The following UBR2 variants were observed in gnomAD, a reference collection of about 807,000 sequenced individuals.
UBR2 encodes E3 ubiquitin-protein ligase UBR2.
In UBR2, 92 loss-of-function variants were observed where a neutral mutation model predicts 247.9. The ratio of observed to expected loss-of-function variants is 0.37; its 90% CI spans 0.31 to 0.44. The LOEUF is 0.44. UBR2 is among the 20% of genes least tolerant of loss of function. UBR2 has a pLI of 1.00. For missense variants in UBR2, 1,613 were observed against 2,112.6 expected (o/e 0.76, Z 4.64); for synonymous variants, 672 against 693.5 (o/e 0.97, Z 0.49).
chr6:42,608,245 T>C (rs1270122029), intron 7 of UBR2, among the ~76,000 whole-genome samples: 2 of 152,216 alleles, frequency 1.3e-5, no homozygotes, highest in Non-Finnish European at 2.9e-5. Context: ...GGTACTAATA[T>C]ACTTTCCCAC....
rs1241942023 is a variant in UBR2 at position 42,693,126 on chromosome 6, C to G, written c.*1953C>G. ...ACATTTTCACCAAATCATAACAATA[C>G]TCCAGCTTTCCGGTCCGACTTCCTA... On this transcript the variant is annotated 3_prime_UTR_variant, in exon 47 of 47. Coordinates refer to ENST00000372901, the MANE Select transcript of UBR2 (RefSeq NM_001363705.2). 1 of 147,320 alleles carries G rather than the reference C, an allele frequency of 6.8e-6. No homozygotes were observed. The highest frequency in any genetic ancestry group is 2.4e-5 in the African/African-American group (1 of 40,844). 9.1% of individuals were successfully genotyped at this position (147,320 alleles called of 1,614,324 possible).
chr6:42,622,618 G>A (rs1250357126), intron 11 of UBR2, among the ~76,000 whole-genome samples: 1 of 151,320 alleles, frequency 6.6e-6, no homozygotes, highest in Non-Finnish European at 1.5e-5. Context: ...TAGCCAGACT[G>A]GTCTCAAACT....
chr6:42,680,898 C>T (rs1290726292), intron 42 of UBR2, among the ~76,000 whole-genome samples: 1 of 151,808 alleles, frequency 6.6e-6, no homozygotes, highest in Non-Finnish European at 1.5e-5. Context: ...CGCGGTGGCT[C>T]ACGCCTGTAA....
At chr6:42,638,281 G>A (rs541876271) in intron 15 of UBR2, among the ~76,000 whole-genome samples, 7 of 152,048 alleles carry the variant, frequency 4.6e-5, no homozygotes, top group African/African-American at 1.7e-4. Flanking sequence ...AGATTTGTGG[G>A]CCTAGAGTTG....
chr6:42,576,448 ACT>A (rs1791511729), intron 2 of UBR2, among the ~76,000 whole-genome samples: 1 of 150,618 alleles, frequency 6.6e-6, no homozygotes, highest in South Asian at 2.1e-4. Flanking sequence ...CTGCTGCCCA[ACT>A]CTCTGCATAA....
intron 9 of UBR2, 38 bp from the exon 10 acceptor site, chr6:42,615,964 G>A (rs374683244): frequency 4.4e-4 from 608 of 1,384,304 alleles, no homozygotes; most frequent in Non-Finnish European, 5.6e-4. Flanking sequence ...TAATTGTTGG[G>A]CGTGTCCTTA....
At chr6:42,641,033 T>A (rs1435178924) in intron 16 of UBR2, among the ~76,000 whole-genome samples, 2 of 152,198 alleles carry the variant, frequency 1.3e-5, no homozygotes, top group African/African-American at 4.8e-5. Flanking sequence ...TCAGCCAGTC[T>A]ATGATTTAAA....
chr6:42,627,583 G>A (rs974300260), intron 11 of UBR2, among the ~76,000 whole-genome samples: 3 of 151,892 alleles, frequency 2.0e-5, no homozygotes, highest in South Asian at 2.1e-4. Context: ...CTGCAGCCTC[G>A]ACCACCCAAA....
At position 42,601,370 on chromosome 6, in the gene UBR2, A is replaced by G. The variant is rs75759453; in HGVS notation, c.532-2218A>G. Among the ~76,000 whole-genome samples, 882 of 152,288 alleles carry G rather than the reference A, an allele frequency of 5.8e-3. 6 individuals carry two copies. The highest frequency in any genetic ancestry group is 9.3e-3 in the Non-Finnish European group (635 of 68,016). On this transcript the variant is annotated intron_variant, in intron 4 of 46. Coordinates refer to ENST00000372901, the MANE Select transcript of UBR2 (RefSeq NM_001363705.2). Reference sequence around the variant, plus strand: ...TCTAAAGCCTCCATAACAAATAGTAATAAACCTTGCTAGCAGAAACAATAA... The same window carrying G: ...TCTAAAGCCTCCATAACAAATAGTAGTAAACCTTGCTAGCAGAAACAATAA...
intron 4 of UBR2, among the ~76,000 whole-genome samples, chr6:42,596,739 A>G (rs1562294440): frequency 7.2e-5 from 11 of 152,230 alleles, no homozygotes; most frequent in Admixed American, 7.2e-4. Context: ...AAAAGGTCAC[A>G]TATTGTATGA....
At position 42,612,231 on chromosome 6, in the gene UBR2, G is replaced by A. The variant is rs763737305; in HGVS notation, c.925G>A (p.Ala309Thr). 9.7e-6 allele frequency: 15 copies of A among 1,546,132 alleles called. No homozygotes were observed. Among genetic ancestry groups the A allele is most frequent in the Non-Finnish European group, 1.3e-5 (15 of 1,131,808 alleles). Reference protein sequence around the residue: ...KVQVMHSSIVAHQNFGLKLLS... With the variant: ...KVQVMHSSIVTHQNFGLKLLS... ...TCAAGTTATGCATTCGTCTATTGTCGCACATCAGAATTTTGGTTTGAAACT... is the reference window on the plus strand; with the variant it reads ...TCAAGTTATGCATTCGTCTATTGTCACACATCAGAATTTTGGTTTGAAACT... The change falls in exon 8 of 47, where the codon GCA (alanine) becomes ACA (threonine). Residue 309 changes from alanine to threonine, a missense_variant. By Grantham distance (58) the Ala-to-Thr change is moderately conservative. Around this residue, in one of 3 missense-constraint regions of UBR2, gnomAD observed 1,524 missense variants for 1,967.3 expected, o/e 0.77. Transcript: ENST00000372901.
intron 42 of UBR2, among the ~76,000 whole-genome samples, chr6:42,682,131 C>T (rs1799093515): frequency 6.6e-6 from 1 of 152,114 alleles, no homozygotes; most frequent in Non-Finnish European, 1.5e-5. Context: ...ACCTTGAGGA[C>T]GTGTGCTAAG....
intron 2 of UBR2, among the ~76,000 whole-genome samples, chr6:42,576,674 C>T (rs957754932): frequency 6.6e-6 from 1 of 151,938 alleles, no homozygotes; most frequent in Admixed American, 6.6e-5. Context: ...GGACTACAGG[C>T]GCACACTGGC....
In UBR2 at chr6:42,600,755, C is replaced by T. The variant is rs892424885; in HGVS notation, c.532-2833C>T. ...GCAAGATCATGGCTCACTTTAGCCT[C>T]CACCTGTCAGGCTCAAGCAGTCCTC... On this transcript the variant is annotated intron_variant, in intron 4 of 46. Transcript: ENST00000372901. 5.9e-5 allele frequency among the ~76,000 whole-genome samples: 9 copies of T among 152,158 alleles called. No homozygotes were observed. In the East Asian group the frequency reaches 1.5e-3, roughly 26 times the overall value.
intron 2 of UBR2, among the ~76,000 whole-genome samples, chr6:42,580,328 G>A (rs904666833): frequency 1.3e-5 from 2 of 152,148 alleles, no homozygotes; most frequent in African/African-American, 2.4e-5. Flanking sequence ...AGAATGAAAC[G>A]TAGAAGTACA....
At chr6:42,609,731 A>C (rs751561674) in intron 7 of UBR2, among the ~76,000 whole-genome samples, 1 of 151,822 alleles carries the variant, frequency 6.6e-6, no homozygotes, top group African/African-American at 2.4e-5. Context: ...CAAAAAAAAA[A>C]AATAATAACA....
At chr6:42,666,724 A>G (rs1453713304) in intron 34 of UBR2, among the ~76,000 whole-genome samples, 5 of 152,144 alleles carry the variant, frequency 3.3e-5, no homozygotes, top group Non-Finnish European at 7.3e-5. Flanking sequence ...TCTGACTTCA[A>G]AATTTCTATT....
intron 44 of UBR2, among the ~76,000 whole-genome samples, chr6:42,685,209 G>C (rs1799307222): frequency 6.6e-6 from 1 of 152,082 alleles, no homozygotes; most frequent in Non-Finnish European, 1.5e-5. Context: ...TACTCGGGAG[G>C]CTGAGGCAGG....
chr6:42,655,115 A>G (rs1797360675), intron 25 of UBR2, among the ~76,000 whole-genome samples: 1 of 152,210 alleles, frequency 6.6e-6, no homozygotes, highest in African/African-American at 2.4e-5. Flanking sequence ...ATTGAAGTAG[A>G]AAATTTTGTT....
Sources: allele counts gnomAD v4.1 joint callset (sites outside exome capture counted in the v4.1 genomes callset), GRCh38; gene constraint gnomAD v4.1.1; regional missense constraint gnomAD v4.1.1; transcripts MANE v1.5; gene names NCBI Gene and HGNC (gene_info 2026-07-23, HGNC 2026-07-21).